Variants in PLCXD3 observed in about 807,000 individuals in gnomAD.
The protein encoded by PLCXD3 is PI-PLC X domain-containing protein 3.
A neutral mutation model predicts 25.5 loss-of-function variants in PLCXD3; 19 were observed. The observed-to-expected ratio is 0.75, with a 90% CI of 0.52 to 1.09. The LOEUF (loss-of-function observed/expected upper bound fraction) is 1.09, where lower values mean the gene tolerates loss of function less well. Ranked by LOEUF, PLCXD3 falls within the 50% of genes least tolerant of loss-of-function variation. PLCXD3 has a pLI of 0.00. For synonymous variants in PLCXD3, 174 were observed against 137.6 expected, an observed-to-expected ratio of 1.26 and a Z score of -1.85; for missense variants, 411 against 388.1, an observed-to-expected ratio of 1.06 and a Z score of -0.50.
chr5:41,333,907 C>A (rs1265642458), intron 2 of PLCXD3, among the ~76,000 whole-genome samples: 1 of 152,086 alleles, frequency 6.6e-6, no homozygotes, highest in East Asian at 1.9e-4. Context: ...GGAAAAAAAT[C>A]CCCTCACCTT....
At chr5:41,414,683 G>A (rs1011985533) in intron 1 of PLCXD3, among the ~76,000 whole-genome samples, 2 of 152,188 alleles carry the variant, frequency 1.3e-5, no homozygotes, top group Non-Finnish European at 2.9e-5. Flanking sequence ...GCCCAAAAAT[G>A]TTAAATGGAA....
At chr5:41,462,528 G>A (rs747816710) in intron 1 of PLCXD3, among the ~76,000 whole-genome samples, 1 of 151,972 alleles carries the variant, frequency 6.6e-6, no homozygotes, top group Non-Finnish European at 1.5e-5. Flanking sequence ...AGAGGGCCCA[G>A]GATAAAGCCT....
chr5:41,371,481 G>A (rs1259940859), intron 2 of PLCXD3, among the ~76,000 whole-genome samples: 3 of 152,144 alleles, frequency 2.0e-5, no homozygotes, highest in African/African-American at 7.2e-5. Context: ...GATTAGGCTT[G>A]TTGAAATATC....
chr5:41,472,094 A>G (rs1226271221), intron 1 of PLCXD3, among the ~76,000 whole-genome samples: 1 of 150,908 alleles, frequency 6.6e-6, no homozygotes, highest in Non-Finnish European at 1.5e-5. Context: ...AATGCCACAT[A>G]ATTTAAATCT....
At chr5:41,396,818 A>G (rs1363276635) in intron 1 of PLCXD3, among the ~76,000 whole-genome samples, 1 of 152,204 alleles carries the variant, frequency 6.6e-6, no homozygotes. Flanking sequence ...CAAAGAGACG[A>G]CTGGAAGCAT....
chr5:41,322,233 G>A (rs1169958998), intron 2 of PLCXD3, among the ~76,000 whole-genome samples: 3 of 151,988 alleles, frequency 2.0e-5, no homozygotes, highest in Non-Finnish European at 2.9e-5. Context: ...AACTTTATAG[G>A]AAAAAAAGCT....
At chr5:41,416,846 G>A (rs1261767740) in intron 1 of PLCXD3, among the ~76,000 whole-genome samples, 1 of 152,162 alleles carries the variant, frequency 6.6e-6, no homozygotes, top group African/African-American at 2.4e-5. Context: ...CACTGTAGCA[G>A]AGCCCCAGAG....
intron 1 of PLCXD3, among the ~76,000 whole-genome samples, chr5:41,505,628 G>T (rs1225417197): frequency 6.6e-6 from 1 of 152,178 alleles, no homozygotes; most frequent in African/African-American, 2.4e-5. Context: ...TCCTAAACTG[G>T]CATTAGAGAT....
At chr5:41,359,794 A>C (rs915949336) in intron 2 of PLCXD3, among the ~76,000 whole-genome samples, 4 of 152,054 alleles carry the variant, frequency 2.6e-5, no homozygotes, top group African/African-American at 9.7e-5. Context: ...ACTTTAAATA[A>C]CCTGATGACT....
At chr5:41,502,610 A>G (rs1369374842) in intron 1 of PLCXD3, among the ~76,000 whole-genome samples, 1 of 152,182 alleles carries the variant, frequency 6.6e-6, no homozygotes, top group Non-Finnish European at 1.5e-5. Flanking sequence ...AAGGAAGTGT[A>G]GTAAGTCTCT....
At chr5:41,463,824 T>C (rs1747948877) in intron 1 of PLCXD3, among the ~76,000 whole-genome samples, 1 of 151,970 alleles carries the variant, frequency 6.6e-6, no homozygotes, top group South Asian at 2.1e-4. Context: ...ACCTTCCTTG[T>C]TTCCTTCTTT....
At chr5:41,456,146 G>T (rs1270478321) in intron 1 of PLCXD3, among the ~76,000 whole-genome samples, 1 of 151,846 alleles carries the variant, frequency 6.6e-6, no homozygotes, top group Non-Finnish European at 1.5e-5. Flanking sequence ...GATAGTCAGA[G>T]TAAGCATCAT....
intron 1 of PLCXD3, among the ~76,000 whole-genome samples, chr5:41,408,670 C>G (rs943003782): frequency 1.3e-5 from 2 of 152,130 alleles, no homozygotes; most frequent in African/African-American, 4.8e-5. Flanking sequence ...ATAAGAAGAA[C>G]TCTGGAAGTC....
At position 41,440,585 on chromosome 5, in the gene PLCXD3, A is replaced by T. The variant is rs150120547; in HGVS notation, c.104-58051T>A. On this transcript the variant is annotated intron_variant, in intron 1 of 2. Coordinates refer to ENST00000377801, the MANE Select transcript of PLCXD3 (RefSeq NM_001005473.3). ...TTTGAATCCATAAAATAGAGAAAAT[A>T]ATATCTATCTTATAGAGTTGTCTTA... 4.0e-3 allele frequency among the ~76,000 whole-genome samples: 610 copies of T among 152,204 alleles called. 7 individuals carry two copies. The highest frequency in any genetic ancestry group is 0.012 in the African/African-American group (485 of 41,554).
intron 1 of PLCXD3, among the ~76,000 whole-genome samples, chr5:41,425,077 A>G (rs985518479): frequency 1.3e-5 from 2 of 152,200 alleles, no homozygotes; most frequent in African/African-American, 4.8e-5. Flanking sequence ...TCTTAGAGCT[A>G]TTAAATACTT....
chr5:41,504,885 G>T (rs149431347), intron 1 of PLCXD3, among the ~76,000 whole-genome samples: 2 of 152,300 alleles, frequency 1.3e-5, no homozygotes, highest in African/African-American at 4.8e-5. Context: ...GGAGGTATTT[G>T]GGAGGAGTTG....
chr5:41,448,073 C>T (rs1747546102), intron 1 of PLCXD3, among the ~76,000 whole-genome samples: 1 of 152,202 alleles, frequency 6.6e-6, no homozygotes, highest in African/African-American at 2.4e-5. Context: ...AGCCTCATAA[C>T]AGCTCTTAAA....
intron 1 of PLCXD3, among the ~76,000 whole-genome samples, chr5:41,420,313 G>A (rs1268791942): frequency 1.3e-5 from 2 of 152,102 alleles, no homozygotes; most frequent in Non-Finnish European, 2.9e-5. Flanking sequence ...TATTGTGCTC[G>A]TTTAACTTTT....
At position 41,312,161 on chromosome 5, in the gene PLCXD3, T is replaced by C. The variant is rs913255527; in HGVS notation, c.*1456A>G. 4 of 152,628 alleles carry C rather than the reference T, an allele frequency of 2.6e-5. No individual in the cohort carries two copies. The East Asian group carries it at 7.7e-4, about 30-fold the overall frequency. The allele number at this position is 152,628 out of a possible 1,614,324, so 9.5% of individuals were successfully genotyped here. A position where few individuals can be genotyped will look rare whatever the true frequency, so the allele number is the denominator to read the frequency against. Reference sequence around the variant, plus strand: ...ACGAAGGAGGAAGTAACGCTCAAGCTGTGTCATTGTTCTTCCCTGTAGACC... The same window carrying C: ...ACGAAGGAGGAAGTAACGCTCAAGCCGTGTCATTGTTCTTCCCTGTAGACC... On this transcript the variant is annotated 3_prime_UTR_variant, in exon 3 of 3. Coordinates refer to ENST00000377801, the MANE Select transcript of PLCXD3 (RefSeq NM_001005473.3).
Sources: allele counts gnomAD v4.1 joint callset (sites outside exome capture counted in the v4.1 genomes callset), GRCh38; gene constraint gnomAD v4.1.1; transcripts MANE v1.5; gene names NCBI Gene and HGNC (gene_info 2026-07-23, HGNC 2026-07-21).